OSBPL3: variants seen among roughly 807,000 people sequenced by gnomAD.
OSBPL3 encodes the protein oxysterol binding protein like 3, also known as oxysterol-binding protein-related protein 3.
A neutral mutation model predicts 120.1 loss-of-function variants in OSBPL3; 65 were observed. That is an observed-to-expected ratio of 0.54 (90% CI 0.44 to 0.67). The LOEUF is 0.67. Among genes scored for constraint, OSBPL3 ranks in the 30% least tolerant of loss-of-function variants. The probability of loss-of-function intolerance (pLI) is 0.00; values close to 1 mark genes in which losing one functional copy is unlikely to be tolerated. For synonymous variants in OSBPL3, 416 were observed against 402.6 expected (o/e 1.03, Z -0.40); for missense variants, 1,004 against 1,082.1 (o/e 0.93, Z 1.01).
At chr7:24,958,180 T>C (rs1002642418) in intron 1 of OSBPL3, among the ~76,000 whole-genome samples, 6 of 152,166 alleles carry the variant, frequency 3.9e-5, no homozygotes, top group Admixed American at 1.3e-4. Context: ...AGCAATTTAC[T>C]CTCCTGCCAG....
Position 24,826,448 on chromosome 7 carries a change from G to A in OSBPL3, c.1884+4320C>T, listed in dbSNP as rs117699394. 2.4e-4 allele frequency among the ~76,000 whole-genome samples: 36 copies of A among 152,214 alleles called. No individual in the cohort carries two copies. The East Asian group carries it at 4.4e-3, about 19-fold the overall frequency. ...TGGAGAGATTTTGCATGGTGAGAAC[G>A]AACAGCATACACAAAGGGCTGCTTT... On this transcript the variant is annotated intron_variant, in intron 16 of 22. Transcript: ENST00000313367.
chr7:24,845,047 A>G (rs1265787438), intron 12 of OSBPL3, among the ~76,000 whole-genome samples: 5 of 152,190 alleles, frequency 3.3e-5, no homozygotes, highest in Admixed American at 6.5e-5. Context: ...GTATGTTTGT[A>G]AATATGTCTT....
In OSBPL3 at chr7:24,804,516, G is replaced by C; in HGVS notation, c.2445-79C>G. On this transcript the variant is annotated intron_variant, in intron 21 of 22. Coordinates refer to ENST00000313367, the MANE Select transcript of OSBPL3 (RefSeq NM_015550.4). This position sits in a 1 kb window ranked among gnomAD's most constrained non-coding sequence, Gnocchi z 5.4. ...AATCATTACTACTCAACTTGCATGT[G>C]TCCACGACTGGATATTCAAAATCCT... 7.4e-7 allele frequency: 1 copy of C among 1,350,138 alleles called. No individual in the cohort carries two copies. The highest frequency in any genetic ancestry group is 1.0e-6 in the Non-Finnish European group (1 of 970,918). The allele number at this position is 1,350,138 out of a possible 1,614,324, so 83.6% of individuals were successfully genotyped here.
In OSBPL3 at chr7:24,828,607, A is replaced by AAG. The variant is rs10657501; in HGVS notation, c.1884+2160_1884+2161insCT. On this transcript the variant is annotated intron_variant, in intron 16 of 22. Transcript: ENST00000313367. ...GGGCGACAAAGTGAGACTCTGTCTG[A>AAG]AAAAAAAAAAAAAAGAAAAAAAAAA... Among the ~76,000 whole-genome samples the AAG allele has an allele frequency of 8.3e-3, 789 of 94,908 alleles. 48 individuals are homozygous for AAG. Among genetic ancestry groups the AAG allele is most frequent in the African/African-American group, 0.03 (661 of 22,334 alleles). The allele number at this position is 94,908 out of a possible 152,430, so 62.3% of individuals were successfully genotyped here.
In OSBPL3 at chr7:24,922,944, T is replaced by C. The variant is rs1056337320; in HGVS notation, c.-149-30323A>G. On this transcript the variant is annotated intron_variant, in intron 1 of 22. Transcript: ENST00000313367. This position sits in a 1 kb window ranked among gnomAD's most constrained non-coding sequence, Gnocchi z 4.3. ...GCAAGTTTGCTTACAGTTTTGGCAGTCGAAGAAAAAAAGGAAAAGAATAAG... is the reference window on the plus strand; with the variant it reads ...GCAAGTTTGCTTACAGTTTTGGCAGCCGAAGAAAAAAAGGAAAAGAATAAG... 6.6e-6 allele frequency among the ~76,000 whole-genome samples: 1 copy of C among 151,670 alleles called. No individual in the cohort carries two copies. The highest frequency in any genetic ancestry group is 1.5e-5 in the Non-Finnish European group (1 of 67,922).
rs1796735140 is a variant in OSBPL3 at position 24,834,355 on chromosome 7, A to G, written c.1746+131T>C. On this transcript the variant is annotated intron_variant, in intron 15 of 22. Coordinates refer to ENST00000313367, the MANE Select transcript of OSBPL3 (RefSeq NM_015550.4). The surrounding 1 kb of genome is among the most constrained non-coding windows in gnomAD (Gnocchi z 5.2). ...GGAGGAAGCCAGACAGCTCTGAGTA[A>G]TGAACCTGTTTACGGAACAATCAAA... is the stretch of plus-strand genomic sequence containing the variant. 1.3e-6 allele frequency: 2 copies of G among 1,506,032 alleles called. No individual in the cohort carries two copies. Among genetic ancestry groups the G allele is most frequent in the African/African-American group, 2.8e-5 (2 of 71,426 alleles). 93.3% of individuals were successfully genotyped at this position (1,506,032 alleles called of 1,614,324 possible).
chr7:24,814,957 A>AT (rs761615787), intron 19 of OSBPL3, 102 bp downstream of exon 19: 35 of 1,112,642 alleles, frequency 3.1e-5, no homozygotes, highest in Non-Finnish European at 4.6e-5. Flanking sequence ...GCCTGCTGGC[A>AT]TAAAGGTGAA....
At chr7:24,923,695 T>C (rs1050308113) in intron 1 of OSBPL3, among the ~76,000 whole-genome samples, 6 of 151,780 alleles carry the variant, frequency 4.0e-5, no homozygotes, top group African/African-American at 1.5e-4. Flanking sequence ...GGCAGGCAAA[T>C]AGAAACCCAA....
chr7:24,848,716 G>T (rs111780022), intron 12 of OSBPL3, among the ~76,000 whole-genome samples: 10 of 152,190 alleles, frequency 6.6e-5, no homozygotes, highest in African/African-American at 2.4e-4. Flanking sequence ...GCAGGTCAGA[G>T]AAACGTAGGT....
At chr7:24,901,184 G>A (rs1461902987) in intron 1 of OSBPL3, among the ~76,000 whole-genome samples, 3 of 151,894 alleles carry the variant, frequency 2.0e-5, no homozygotes, top group East Asian at 1.9e-4. Context: ...AACATTAGCC[G>A]GGCACAGTGG....
Position 24,936,436 on chromosome 7 carries a change from C to G in OSBPL3, c.-150+43450G>C, listed in dbSNP as rs923160561. On this transcript the variant is annotated intron_variant, in intron 1 of 22. Transcript: ENST00000313367. The surrounding 1 kb of genome is among the most constrained non-coding windows in gnomAD (Gnocchi z 4.2). ...GATCTTGCTCTTAACAAGGTCAAAA[C>G]TGCAATGCAATACAATGGGCCAAGT... Among the ~76,000 whole-genome samples, 6 of 152,194 alleles carry G rather than the reference C, an allele frequency of 3.9e-5. No homozygotes were observed. Among genetic ancestry groups the G allele is most frequent in the Admixed American group, 3.3e-4 (5 of 15,282 alleles).
intron 2 of OSBPL3, among the ~76,000 whole-genome samples, chr7:24,889,148 T>C (rs1163198651): frequency 6.6e-6 from 1 of 152,190 alleles, no homozygotes; most frequent in Non-Finnish European, 1.5e-5. Context: ...CATATACTTA[T>C]GCAGTGGACT....
chr7:24,928,262 G>C (rs184531200), intron 1 of OSBPL3, among the ~76,000 whole-genome samples: 28 of 148,138 alleles, frequency 1.9e-4, no homozygotes, highest in Admixed American at 8.9e-4. Context: ...CACGATCTCA[G>C]CTCACTGCAA....
rs553898511 is a variant in OSBPL3 at position 24,834,954 on chromosome 7, A to C, written c.1496-218T>G. On this transcript the variant is annotated intron_variant, in intron 14 of 22. Coordinates refer to ENST00000313367, the MANE Select transcript of OSBPL3 (RefSeq NM_015550.4). This position sits in a 1 kb window ranked among gnomAD's most constrained non-coding sequence, Gnocchi z 5.2. ...AACCCATCGACTTTATTCACAGGGA[A>C]GACCTTGAATTGCTCCTCAAAACCT... Among the ~76,000 whole-genome samples the C allele has an allele frequency of 1.8e-3, 270 of 152,326 alleles. No homozygotes were observed. Among genetic ancestry groups the C allele is most frequent in the African/African-American group, 6.3e-3 (263 of 41,574 alleles).
At chr7:24,829,052 C>T (rs988379442) in intron 16 of OSBPL3, among the ~76,000 whole-genome samples, 1 of 152,212 alleles carries the variant, frequency 6.6e-6, no homozygotes, top group Admixed American at 6.5e-5. Context: ...GAATTTGGCC[C>T]TGTCCCACCA....
rs924779779 is a variant in OSBPL3 at position 24,922,393 on chromosome 7, C to G, written c.-149-29772G>C. Among the ~76,000 whole-genome samples the G allele has an allele frequency of 6.6e-6, 1 of 152,118 alleles. No individual in the cohort carries two copies. The highest frequency in any genetic ancestry group is 1.5e-5 in the Non-Finnish European group (1 of 68,006). ...TGCCTTGATATTCTCAACCAGGGAA[C>G]AATTCCCTCTCAGGGGAATTGTATG... On this transcript the variant is annotated intron_variant, in intron 1 of 22. Transcript: ENST00000313367. The surrounding 1 kb of genome is among the most constrained non-coding windows in gnomAD (Gnocchi z 4.3).
intron 2 of OSBPL3, among the ~76,000 whole-genome samples, chr7:24,885,112 C>T (rs1378751624): frequency 6.6e-6 from 1 of 151,650 alleles, no homozygotes; most frequent in Non-Finnish European, 1.5e-5. Flanking sequence ...GTCCCAGCTA[C>T]TCAGGAGGCT....
rs1810156586 is a variant in OSBPL3, at chr7:24,919,738, G to A, written c.-149-27117C>T. ...AAAATAAAAAGGCAATCCACAGAAC[G>A]AGAGATAATATTTGCCAATCATCTG... On this transcript the variant is annotated intron_variant, in intron 1 of 22. Coordinates refer to ENST00000313367, the MANE Select transcript of OSBPL3 (RefSeq NM_015550.4). Among the ~76,000 whole-genome samples, 4 of 150,724 alleles carry A rather than the reference G, an allele frequency of 2.7e-5. No homozygotes were observed. In the Admixed American group the frequency reaches 2.7e-4, roughly 10 times the overall value.
Position 24,899,307 on chromosome 7 carries a change from G to C in OSBPL3, c.-149-6686C>G, listed in dbSNP as rs1806641050. 1.3e-5 allele frequency among the ~76,000 whole-genome samples: 2 copies of C among 152,278 alleles called. No homozygotes were observed. Among genetic ancestry groups the C allele is most frequent in the Middle Eastern group, 3.4e-3 (1 of 294 alleles). The stretch of plus-strand genomic sequence containing the variant: ...CCACACTGCAACTGTTAATACTGCT[G>C]GATTTGCCTTAGCTTTGGGGGAACT... On this transcript the variant is annotated intron_variant, in intron 1 of 22. Transcript: ENST00000313367. This position sits in a 1 kb window ranked among gnomAD's most constrained non-coding sequence, Gnocchi z 4.0.
Sources: allele counts gnomAD v4.1 joint callset (sites outside exome capture counted in the v4.1 genomes callset), GRCh38; gene constraint gnomAD v4.1.1; non-coding constraint Gnocchi (gnomAD v3.1); transcripts MANE v1.5; gene names NCBI Gene and HGNC (gene_info 2026-07-23, HGNC 2026-07-21).